Variants in ROBO2 observed in about 807,000 individuals in gnomAD.
The protein encoded by ROBO2 is roundabout guidance receptor 2.
A neutral mutation model predicts 160.8 loss-of-function variants in ROBO2; 53 were observed. That is an observed-to-expected ratio of 0.33 (90% CI 0.26 to 0.41). The LOEUF (loss-of-function observed/expected upper bound fraction) is 0.41. Among genes scored for constraint, ROBO2 ranks in the 10% least tolerant of loss-of-function variants. The pLI is 1.00. For synonymous variants in ROBO2, 664 were observed against 611.7 expected, an observed-to-expected ratio of 1.09 and a Z score of -1.26; for missense variants, 1,577 against 1,722.4, an observed-to-expected ratio of 0.92 and a Z score of 1.49.
chr3:77,288,638 T>G (rs770916837), intron 2 of ROBO2, among the ~76,000 whole-genome samples: 1 of 152,138 alleles, frequency 6.6e-6, no homozygotes, highest in African/African-American at 2.4e-5. Context: ...CATGGCAGAT[T>G]TTTTTTACAA....
At chr3:77,532,691 A>G (rs1445219515) in intron 6 of ROBO2, among the ~76,000 whole-genome samples, 1 of 151,714 alleles carries the variant, frequency 6.6e-6, no homozygotes, top group South Asian at 2.1e-4. Flanking sequence ...TGCAATCATT[A>G]TATATTTCTT....
intron 4 of ROBO2, among the ~76,000 whole-genome samples, chr3:77,484,134 T>C (rs1169972092): frequency 2.6e-5 from 4 of 152,038 alleles, no homozygotes; most frequent in Non-Finnish European, 5.9e-5. Context: ...AATAACATCC[T>C]AATTAACTGG....
chr3:77,640,336 A>G (rs1027234223), intron 24 of ROBO2, among the ~76,000 whole-genome samples: 2 of 152,076 alleles, frequency 1.3e-5, no homozygotes, highest in African/African-American at 4.8e-5. Flanking sequence ...GATGGTCTCG[A>G]TCTCTTGACC....
At chr3:76,046,684 C>G (rs150428003) in intron 2 of ROBO2, among the ~76,000 whole-genome samples, 6 of 152,096 alleles carry the variant, frequency 3.9e-5, no homozygotes, top group African/African-American at 1.4e-4. Flanking sequence ...TGGACCACAT[C>G]ATACTGGGCC....
intron 1 of ROBO2, 82 bp downstream of exon 1, chr3:77,040,928 G>A: frequency 6.4e-7 from 1 of 1,559,192 alleles, no homozygotes; most frequent in South Asian, 1.1e-5. Context: ...ATTTGATGTG[G>A]GTTATAAATG....
intron 2 of ROBO2, among the ~76,000 whole-genome samples, chr3:76,200,290 A>G (rs1702461532): frequency 1.3e-5 from 2 of 152,116 alleles, no homozygotes; most frequent in Admixed American, 1.3e-4. Flanking sequence ...TTTTCCATCA[A>G]CAAGGGTTGT....
At chr3:76,278,716 A>T (rs189624359) in intron 2 of ROBO2, among the ~76,000 whole-genome samples, 1 of 152,162 alleles carries the variant, frequency 6.6e-6, no homozygotes. Flanking sequence ...AGAAACAGAA[A>T]TAGTTCTGTG....
intron 2 of ROBO2, among the ~76,000 whole-genome samples, chr3:76,510,867 T>C (rs2081051971): frequency 6.6e-6 from 1 of 152,134 alleles, no homozygotes; most frequent in Non-Finnish European, 1.5e-5. Context: ...TGCCACCTAA[T>C]GATATGCTGA....
At chr3:77,231,363 CAAAAAAA>C (rs60535204) in intron 2 of ROBO2, among the ~76,000 whole-genome samples, 8 of 59,668 alleles carry the variant, frequency 1.3e-4, no homozygotes, top group East Asian at 6.2e-4. Context: ...AGACTCCATC[CAAAAAAA>C]AAAAAAAAAA....
At chr3:76,745,742 C>T (rs1363229973) in intron 2 of ROBO2, among the ~76,000 whole-genome samples, 1 of 151,706 alleles carries the variant, frequency 6.6e-6, no homozygotes, top group Non-Finnish European at 1.5e-5. Context: ...GAATTCCTCA[C>T]TATCTCTGAG....
intron 2 of ROBO2, among the ~76,000 whole-genome samples, chr3:76,787,746 TA>T (rs1342354443): frequency 6.6e-6 from 1 of 151,500 alleles, no homozygotes; most frequent in Non-Finnish European, 1.5e-5. Context: ...AAATATATTT[TA>T]AAAGACCAAA....
intron 2 of ROBO2, among the ~76,000 whole-genome samples, chr3:76,365,858 A>G (rs1317499065): frequency 2.0e-5 from 3 of 152,088 alleles, no homozygotes; most frequent in African/African-American, 7.2e-5. Flanking sequence ...CTAATTATTC[A>G]GAAGAGCCAA....
At chr3:76,824,836 A>G (rs991144017) in intron 2 of ROBO2, among the ~76,000 whole-genome samples, 2 of 152,134 alleles carry the variant, frequency 1.3e-5, no homozygotes, top group African/African-American at 4.8e-5. Context: ...GTGCCCCATC[A>G]CTGAGATTCA....
chr3:76,107,048 A>G (rs558420834), intron 2 of ROBO2, among the ~76,000 whole-genome samples: 1 of 152,246 alleles, frequency 6.6e-6, no homozygotes, highest in South Asian at 2.1e-4. Flanking sequence ...AATAAAGCTG[A>G]AATATTAGTC....
At chr3:76,299,187 T>C (rs1002156724) in intron 2 of ROBO2, among the ~76,000 whole-genome samples, 1 of 152,114 alleles carries the variant, frequency 6.6e-6, no homozygotes, top group Non-Finnish European at 1.5e-5. Context: ...GTATATAGCA[T>C]GTTAAAAATT....
intron 2 of ROBO2, among the ~76,000 whole-genome samples, chr3:76,107,959 G>A (rs1423473601): frequency 1.3e-5 from 2 of 152,026 alleles, no homozygotes; most frequent in African/African-American, 2.4e-5. Flanking sequence ...TTAGCTGTTT[G>A]TACTGTTCAG....
intron 2 of ROBO2, among the ~76,000 whole-genome samples, chr3:76,101,326 GT>G (rs768636074): frequency 6.6e-6 from 1 of 152,234 alleles, no homozygotes; most frequent in East Asian, 1.9e-4. Flanking sequence ...ACAGACAGCA[GT>G]GCCAACCTTT....
At chr3:77,100,284 G>A (rs575778167) in intron 2 of ROBO2, among the ~76,000 whole-genome samples, 1 of 152,074 alleles carries the variant, frequency 6.6e-6, no homozygotes, top group Non-Finnish European at 1.5e-5. Context: ...ATTGGATTAG[G>A]GAGTGAATAA....
intron 5 of ROBO2, among the ~76,000 whole-genome samples, chr3:77,495,420 G>A (rs1354944910): frequency 6.6e-6 from 1 of 152,148 alleles, no homozygotes. Flanking sequence ...TAATAATTAA[G>A]TAAAGTGTAT....
Sources: gnomAD v4.1 joint callset for allele counts (sites outside exome capture counted in the v4.1 genomes callset) on GRCh38, gnomAD v4.1.1 for gene constraint, MANE v1.5 for transcripts, NCBI Gene and HGNC (gene_info 2026-07-23, HGNC 2026-07-21) for gene names.